SEPTIN8: variants seen among roughly 807,000 people sequenced by gnomAD.
SEPTIN8 encodes septin 8, also known as septin-8.
A neutral mutation model predicts 53.1 loss-of-function variants in SEPTIN8; 22 were observed. That is an observed-to-expected ratio of 0.41 (90% CI 0.30 to 0.59). The LOEUF (loss-of-function observed/expected upper bound fraction) is 0.59, where lower values mean the gene tolerates loss of function less well. Among genes scored for constraint, SEPTIN8 ranks in the 20% least tolerant of loss-of-function variants. SEPTIN8 has a pLI of 0.24. For missense variants in SEPTIN8, 536 were observed against 638.7 expected, an observed-to-expected ratio of 0.84 and a Z score of 1.73; for synonymous variants, 228 against 248.4, an observed-to-expected ratio of 0.92 and a Z score of 0.77.
At chr5:132,779,250 C>T (rs1015508857), upstream of SEPTIN8, among the ~76,000 whole-genome samples, 1 of 152,190 alleles carries the variant, frequency 6.6e-6, no homozygotes, top group African/African-American at 2.4e-5. Flanking sequence ...ACGATCATTT[C>T]TCACATGGCA....
chr5:132,775,070 G>C (rs1757663067), intron 1 of SEPTIN8, among the ~76,000 whole-genome samples: 1 of 152,198 alleles, frequency 6.6e-6, no homozygotes, highest in Non-Finnish European at 1.5e-5. Context: ...CATCCCTCCA[G>C]CTGAAGCTGG....
intron 1 of SEPTIN8, among the ~76,000 whole-genome samples, chr5:132,770,828 A>C (rs562239150): frequency 1.3e-5 from 2 of 152,326 alleles, no homozygotes; most frequent in African/African-American, 4.8e-5. Context: ...ATATGTCTTC[A>C]AAGTCCCAGG....
chr5:132,764,781 G>A (rs1185203475), intron 2 of SEPTIN8, among the ~76,000 whole-genome samples: 3 of 152,090 alleles, frequency 2.0e-5, no homozygotes, highest in African/African-American at 7.2e-5. Context: ...CACCCCTCCT[G>A]GGACCAGGGT....
chr5:132,777,372 C>A, upstream of SEPTIN8: 1 of 1,030,622 alleles, frequency 9.7e-7, no homozygotes, highest in South Asian at 4.6e-5. The surrounding 1 kb of genome is among the most constrained non-coding windows in gnomAD (Gnocchi z 4.1). Context: ...CGGAGCCCCG[C>A]CGCTTGGACG....
At chr5:132,777,780 G>A (rs1757933633), upstream of SEPTIN8, 1 of 985,366 alleles carries the variant, frequency 1.0e-6, no homozygotes, top group Non-Finnish European at 1.2e-6. The surrounding 1 kb of genome is among the most constrained non-coding windows in gnomAD (Gnocchi z 4.1). Flanking sequence ...CCGGAGCTAA[G>A]GCGGGAACCC....
chr5:132,764,036 T>C, intron 3 of SEPTIN8, 144 bp from the exon 4 acceptor site: 1 of 973,516 alleles, frequency 1.0e-6, no homozygotes, highest in Non-Finnish European at 1.5e-6. Context: ...CCTGACTGGA[T>C]ACAGGCAGCT....
chr5:132,768,477 A>C (rs1204973956), intron 1 of SEPTIN8, among the ~76,000 whole-genome samples: 1 of 152,196 alleles, frequency 6.6e-6, no homozygotes, highest in Non-Finnish European at 1.5e-5. Context: ...CATGTGATCT[A>C]AGTTGCATTG....
chr5:132,765,193 G>A (rs1020999566), intron 2 of SEPTIN8, among the ~76,000 whole-genome samples: 14 of 152,038 alleles, frequency 9.2e-5, no homozygotes, highest in Admixed American at 2.0e-4. Context: ...TCATGTGCCC[G>A]ATCCAGTTTA....
intron 1 of SEPTIN8, among the ~76,000 whole-genome samples, chr5:132,768,605 T>C (rs112112215): frequency 2.0e-5 from 3 of 152,268 alleles, no homozygotes; most frequent in African/African-American, 4.8e-5. Flanking sequence ...GACTCAGAAA[T>C]AAAGTCAGGT....
intron 1 of SEPTIN8, among the ~76,000 whole-genome samples, chr5:132,768,838 G>A (rs186954863): frequency 2.0e-4 from 30 of 152,372 alleles, no homozygotes; most frequent in African/African-American, 7.0e-4. Flanking sequence ...GAGGGAGCCA[G>A]AGTCTGCCCT....
rs1437076239 is a variant in SEPTIN8 at position 132,763,771 on chromosome 5, T to C, written c.469A>G (p.Ile157Val). The change falls in exon 4 of 10, where the codon ATC (isoleucine) becomes GTC (valine). Residue 157 changes from isoleucine (I) to valine (V), a missense_variant. Ile to Val is a conservative substitution (Grantham distance 29, BLOSUM62 3). Transcript: ENST00000378719. ...DTRIHVCLYF[I>V]TPTGHSLKSL... is the part of the protein sequence containing the mutation. ...TTCAGGGAGTGCCCTGTGGGCGTGA[T>C]GAAGTAGAGGCAAACGTGGATCCTT... 13 of 1,614,064 alleles carry C rather than the reference T, an allele frequency of 8.1e-6. No homozygotes were observed. The highest frequency in any genetic ancestry group is 1.1e-5 in the Non-Finnish European group (13 of 1,180,014).
At chr5:132,756,630 AAC>A (rs968752586) in intron 9 of SEPTIN8, 5 of 985,372 alleles carry the variant, frequency 5.1e-6, no homozygotes, top group South Asian at 4.7e-5. Context: ...CAAAATTCCA[AAC>A]ACAAACAGCA....
chr5:132,758,377 CTG>C (rs1352772442), intron 9 of SEPTIN8: 2 of 1,428,920 alleles, frequency 1.4e-6, no homozygotes, highest in Non-Finnish European at 1.8e-6. Flanking sequence ...ATGAGGGGAA[CTG>C]GGTGAATTTT....
Position 132,776,973 on chromosome 5 carries a change from G to A in SEPTIN8, c.30+135C>T, listed in dbSNP as rs1387575972. ...AGCGCGGCCGAGAGCCCGCGCCGGG[G>A]TCCTCGAGCTGGCCCGGTGTCGAGG... On this transcript the variant is annotated intron_variant, in intron 1 of 9. Coordinates refer to ENST00000378719, the MANE Select transcript of SEPTIN8 (RefSeq NM_001098811.2). The surrounding 1 kb of genome is among the most constrained non-coding windows in gnomAD (Gnocchi z 4.4). 2.2e-6 allele frequency: 1 copy of A among 450,126 alleles called. No homozygotes were observed. 27.9% of individuals were successfully genotyped at this position (450,126 alleles called of 1,614,324 possible).
At chr5:132,772,692 A>C (rs542627500) in intron 1 of SEPTIN8, among the ~76,000 whole-genome samples, 2 of 152,288 alleles carry the variant, frequency 1.3e-5, no homozygotes, top group Admixed American at 1.3e-4. Context: ...ATGCATGGGC[A>C]CCAATACGGG....
In SEPTIN8 at chr5:132,752,071, A is replaced by G; in HGVS notation, c.1397T>C (p.Ile466Thr). ...CCTGACCAGGCAGCTGCAGCACTGTATGGCGGGCCACCAGCTGCTGCAGTT... is the reference window on the plus strand; with the variant it reads ...CCTGACCAGGCAGCTGCAGCACTGTGTGGCGGGCCACCAGCTGCTGCAGTT... ...PLNCSSWWPAIQCCSCLVRDA... is the reference protein window; with the variant it reads ...PLNCSSWWPATQCCSCLVRDA... Residue 466 changes from isoleucine (I) to threonine (T), a missense_variant, in exon 10 of 10, where the codon ATA (isoleucine) becomes ACA (threonine). By Grantham distance (89) the Ile-to-Thr change is moderately conservative. Around this residue, in one of 3 missense-constraint regions of SEPTIN8, gnomAD observed 133 missense variants for 157.4 expected, o/e 0.84. Coordinates refer to ENST00000378719, the MANE Select transcript of SEPTIN8 (RefSeq NM_001098811.2). 6.2e-7 allele frequency: 1 copy of G among 1,606,792 alleles called. No homozygotes were observed. Among genetic ancestry groups the G allele is most frequent in the African/African-American group, 1.3e-5 (1 of 74,922 alleles).
rs773033947 is a variant in SEPTIN8, at chr5:132,751,102, C to G, written c.*914G>C. 1.9e-5 allele frequency: 25 copies of G among 1,287,838 alleles called. No individual in the cohort carries two copies. Among genetic ancestry groups the G allele is most frequent in the Non-Finnish European group, 2.6e-5 (24 of 924,806 alleles). 79.8% of individuals were successfully genotyped at this position (1,287,838 alleles called of 1,614,324 possible). A position where few individuals can be genotyped will look rare whatever the true frequency, so the allele number is the denominator to read the frequency against. ...AAGCACAGGCGTGCACACGCCCTTG[C>G]ACATGCACCACAGTGAGGTGACGCA... On this transcript the variant is annotated 3_prime_UTR_variant, in exon 10 of 10. Transcript: ENST00000378719.
At position 132,764,207 on chromosome 5, in the gene SEPTIN8, C is replaced by T; in HGVS notation, c.347+17G>A. On this transcript the variant is annotated intron_variant, in intron 3 of 9. Transcript: ENST00000378719. ...GGTGGGAGGAGGCTGGGTGGGGCCGCCCTTCCCGCCTCTTGCCTCTCATCC... is the reference window on the plus strand; with the variant it reads ...GGTGGGAGGAGGCTGGGTGGGGCCGTCCTTCCCGCCTCTTGCCTCTCATCC... The T allele has an allele frequency of 6.2e-7, 1 of 1,600,092 alleles. No individual in the cohort carries two copies.
rs1285859258 is a variant in SEPTIN8 at position 132,761,848 on chromosome 5, C to T, written c.745G>A (p.Gly249Arg). ...TGCCGTGCTCGGACCAGCTTGTTCC[C>T]CACCTTCACCTCCTCGGTGCTGCCC... ...VVGSTEEVKVGNKLVRARQYP... is the reference protein window; with the variant it reads ...VVGSTEEVKVRNKLVRARQYP... The change falls in exon 6 of 10, where the codon GGG becomes AGG. Residue 249 changes from glycine to arginine, a missense_variant. Around this residue, in one of 3 missense-constraint regions of SEPTIN8, gnomAD observed 395 missense variants for 451.8 expected, o/e 0.87. Coordinates refer to ENST00000378719, the MANE Select transcript of SEPTIN8 (RefSeq NM_001098811.2). The surrounding 1 kb of genome is among the most constrained non-coding windows in gnomAD (Gnocchi z 5.8). 1.9e-6 allele frequency: 3 copies of T among 1,608,012 alleles called. No individual in the cohort carries two copies.
Sources: gnomAD v4.1 joint callset for allele counts (sites outside exome capture counted in the v4.1 genomes callset) on GRCh38, gnomAD v4.1.1 for gene constraint, gnomAD v4.1.1 regional missense constraint, Gnocchi (gnomAD v3.1) non-coding constraint, MANE v1.5 for transcripts, NCBI Gene and HGNC (gene_info 2026-07-23, HGNC 2026-07-21) for gene names.